Variants in CENPE observed in about 807,000 individuals in gnomAD.
The protein encoded by CENPE is centromere-associated protein E.
In CENPE, 145 loss-of-function variants were observed where a neutral mutation model predicts 336.1. That is an observed-to-expected ratio of 0.43 (90% CI 0.38 to 0.50). CENPE has a LOEUF of 0.50. Among genes scored for constraint, CENPE ranks in the 20% least tolerant of loss-of-function variants. The probability of loss-of-function intolerance (pLI) is 0.00; values close to 1 mark genes in which losing one functional copy is unlikely to be tolerated. For synonymous variants in CENPE, 1,013 were observed against 984.8 expected, an observed-to-expected ratio of 1.03 and a Z score of -0.54; for missense variants, 2,719 against 3,023.3, an observed-to-expected ratio of 0.90 and a Z score of 2.36.
chr4:103,181,349 T>C lies in CENPE; in HGVS notation c.1071A>G (p.Lys357=). The change falls in exon 12 of 49, where the codon AAA becomes AAG. Residue 357 remains lysine, a synonymous_variant. Coordinates refer to ENST00000265148, the MANE Select transcript of CENPE (RefSeq NM_001813.3). ...GATTCATACATACCTCCTCTAATTGTTTTTTAAGATCCATTATTTCTTTTC... is the reference window on the plus strand; with the variant it reads ...GATTCATACATACCTCCTCTAATTGCTTTTTAAGATCCATTATTTCTTTTC... ...RYRKEIMDLK[K]QLEEVSLETR... 2.0e-6 allele frequency: 3 copies of C among 1,535,406 alleles called. No homozygotes were observed. Among genetic ancestry groups the C allele is most frequent in the Non-Finnish European group, 2.6e-6 (3 of 1,132,104 alleles).
rs1488098948 is a variant in CENPE, at chr4:103,145,226, C to T, written c.4681G>A (p.Asp1561Asn). 2 of 1,613,664 alleles carry T rather than the reference C, an allele frequency of 1.2e-6. No homozygotes were observed. The highest frequency in any genetic ancestry group is 1.7e-6 in the Non-Finnish European group (2 of 1,179,844). ...CTTTCTATACTTTGTAGTGCTGAAT[C>T]CTTGGCTTTGCGATGCTCCTTGAAT... is the stretch of plus-strand genomic sequence containing the variant. ...KQFKEHRKAK[D>N]SALQSIESKM... is the part of the protein sequence containing the mutation. Residue 1561 changes from aspartate to asparagine, a missense_variant, in exon 32 of 49, where the codon GAT becomes AAT. By Grantham distance (23) the Asp-to-Asn change is conservative (BLOSUM62 1). Transcript: ENST00000265148.
chr4:103,188,161 T>C (rs1211678321), intron 8 of CENPE, among the ~76,000 whole-genome samples: 2 of 152,236 alleles, frequency 1.3e-5, no homozygotes, highest in African/African-American at 2.4e-5. Flanking sequence ...CTCAGAGACC[T>C]ACAAAGAGAC....
At chr4:103,163,780 AC>A (rs1374055313) in intron 16 of CENPE, among the ~76,000 whole-genome samples, 1 of 149,330 alleles carries the variant, frequency 6.7e-6, no homozygotes, top group Non-Finnish European at 1.5e-5. Flanking sequence ...ATAAAAAAAA[AC>A]CCCTCAGCAT....
intron 1 of CENPE, among the ~76,000 whole-genome samples, chr4:103,197,723 T>C (rs982523370): frequency 3.9e-5 from 6 of 152,234 alleles, no homozygotes; most frequent in African/African-American, 1.4e-4. Context: ...CATTTTCAAC[T>C]TTACTTTCTG....
chr4:103,176,041 A>G lies in CENPE; in HGVS notation c.1398T>C (p.Cys466=). The change falls in exon 15 of 49, where the codon TGT becomes TGC. Residue 466 remains cysteine (C), a synonymous_variant. Coordinates refer to ENST00000265148, the MANE Select transcript of CENPE (RefSeq NM_001813.3). ...TGTTACTGAAAACATCAGACTCTGA[A>G]CAGACAGCTATAATTAGAGAAAAAA... ...NLLREIDESV[C]SESDVFSNTL... 6.3e-7 allele frequency: 1 copy of G among 1,589,180 alleles called. No homozygotes were observed. The highest frequency in any genetic ancestry group is 8.6e-7 in the Non-Finnish European group (1 of 1,168,248).
chr4:103,180,747 TAAG>T (rs1560668756), intron 12 of CENPE, among the ~76,000 whole-genome samples: 1 of 152,154 alleles, frequency 6.6e-6, no homozygotes, highest in African/African-American at 2.4e-5. Context: ...ATTAATTGCC[TAAG>T]AAGATATGAA....
intron 8 of CENPE, among the ~76,000 whole-genome samples, chr4:103,191,635 C>A (rs578030954): frequency 4.0e-5 from 5 of 125,968 alleles, no homozygotes; most frequent in Non-Finnish European, 8.0e-5. Context: ...ACATCACACA[C>A]CGGGGCCTGT....
intron 42 of CENPE, among the ~76,000 whole-genome samples, chr4:103,130,398 T>TA (rs1220183460): frequency 1.3e-5 from 2 of 152,104 alleles, no homozygotes; most frequent in East Asian, 3.8e-4. Flanking sequence ...AATTTGAAAT[T>TA]AAAAATACAT....
intron 16 of CENPE, among the ~76,000 whole-genome samples, chr4:103,164,588 T>A (rs1754750259): frequency 6.6e-6 from 1 of 152,158 alleles, no homozygotes; most frequent in South Asian, 2.1e-4. Context: ...AGAATTAACT[T>A]TGAGAACATA....
intron 43 of CENPE, among the ~76,000 whole-genome samples, chr4:103,122,477 G>T (rs528387727): frequency 2.1e-4 from 32 of 152,012 alleles, no homozygotes; most frequent in African/African-American, 7.5e-4. Flanking sequence ...TATTAAATAC[G>T]CTGATGATAA....
intron 16 of CENPE, among the ~76,000 whole-genome samples, chr4:103,170,498 T>A (rs1755313712): frequency 6.6e-6 from 1 of 152,124 alleles, no homozygotes; most frequent in South Asian, 2.1e-4. Flanking sequence ...ACTGTAAGAC[T>A]TTTTCTTGTA....
At chr4:103,150,702 G>A (rs929110491) in intron 26 of CENPE, among the ~76,000 whole-genome samples, 2 of 152,146 alleles carry the variant, frequency 1.3e-5, no homozygotes, top group African/African-American at 2.4e-5. Context: ...AGATCTCTAT[G>A]GGTGCATTTT....
Position 103,114,463 on chromosome 4 carries a change from T to A in CENPE, c.7532A>T (p.Asp2511Val). Residue 2511 changes from aspartate (D) to valine (V), a missense_variant, in exon 46 of 49, where the codon GAT becomes GTT. Asp to Val is a radical substitution (Grantham distance 152). Transcript: ENST00000265148. ...CTGCATTTTCTACTTACCTGAGGTA[T>A]CTTGGGCCTGTTGACTTCTTCTGAG... ...ENLRRSQQAQDTSVISEHTDP... is the reference protein window; with the variant it reads ...ENLRRSQQAQVTSVISEHTDP... The A allele has an allele frequency of 2.5e-6, 4 of 1,595,558 alleles. No individual in the cohort carries two copies. The highest frequency in any genetic ancestry group is 3.4e-6 in the Non-Finnish European group (4 of 1,164,086).
At chr4:103,116,765 T>C in intron 44 of CENPE, 76 bp from the exon 45 acceptor site, 1 of 729,014 alleles carries the variant, frequency 1.4e-6, no homozygotes, top group South Asian at 1.8e-5. Context: ...AATGGTTAGC[T>C]GTCTTTGCTC....
At chr4:103,171,470 A>T (rs1354369041) in intron 16 of CENPE, among the ~76,000 whole-genome samples, 1 of 152,064 alleles carries the variant, frequency 6.6e-6, no homozygotes, top group Non-Finnish European at 1.5e-5. Flanking sequence ...GACAAATGAA[A>T]ATGGAAACAC....
chr4:103,139,311 A>C lies in CENPE; in HGVS notation c.6204+478T>G, dbSNP rs150262689. Among the ~76,000 whole-genome samples, 378 of 152,308 alleles carry C rather than the reference A, an allele frequency of 2.5e-3. 1 individual carries two copies. The highest frequency in any genetic ancestry group is 8.7e-3 in the African/African-American group (363 of 41,570). On this transcript the variant is annotated intron_variant, in intron 38 of 48. Transcript: ENST00000265148. ...TTTCAAAAAGAGGATTTAATTAGAT[A>C]TTTTAAGATATATGATTCTGAATAT...
chr4:103,140,362 T>C lies in CENPE; in HGVS notation c.5807A>G (p.His1936Arg), dbSNP rs765088726. 12 of 1,606,022 alleles carry C rather than the reference T, an allele frequency of 7.5e-6. No homozygotes were observed. Among genetic ancestry groups the C allele is most frequent in the South Asian group, 3.4e-5 (3 of 89,480 alleles). ...LKTARMLSKEHKETVDKLREK... is the reference protein window; with the variant it reads ...LKTARMLSKERKETVDKLREK... ...TCTAAGTTTATCAACAGTTTCTTTG[T>C]GTTCTTTTGATAGCATACGAGCAGT... The change falls in exon 37 of 49, where the codon CAC (histidine) becomes CGC (arginine). Residue 1936 changes from histidine to arginine, a missense_variant. Around this residue, in one of 5 missense-constraint regions of CENPE, gnomAD observed 2,437 missense variants for 2,513.3 expected, o/e 0.97. Coordinates refer to ENST00000265148, the MANE Select transcript of CENPE (RefSeq NM_001813.3).
intron 25 of CENPE, 36 bp downstream of exon 25, chr4:103,153,011 A>T (rs757439983): frequency 6.9e-7 from 1 of 1,448,854 alleles, no homozygotes; most frequent in Non-Finnish European, 9.5e-7. Context: ...AATGAAGACA[A>T]AAAGGTAATG....
intron 1 of CENPE, 76 bp downstream of exon 1, chr4:103,198,188 T>C (rs1757885748): frequency 7.1e-7 from 1 of 1,411,702 alleles, no homozygotes; most frequent in African/African-American, 1.4e-5. Flanking sequence ...CCTGGAAACA[T>C]CGTAGGCCTC....
Sources: allele counts gnomAD v4.1 joint callset (sites outside exome capture counted in the v4.1 genomes callset), GRCh38; gene constraint gnomAD v4.1.1; regional missense constraint gnomAD v4.1.1; transcripts MANE v1.5; gene names NCBI Gene and HGNC (gene_info 2026-07-23, HGNC 2026-07-21).